Variants in PMF1 observed in about 807,000 individuals in gnomAD.
The protein encoded by PMF1 is polyamine modulated factor 1, also known as polyamine-modulated factor 1.
PMF1 carries 21 observed loss-of-function variants against 26.7 expected under a neutral mutation model. The observed-to-expected ratio is 0.79, with a 90% CI of 0.56 to 1.13. The LOEUF (loss-of-function observed/expected upper bound fraction) is 1.13, where lower values mean the gene tolerates loss of function less well. Among genes scored for constraint, PMF1 ranks in the 50% most tolerant of loss-of-function variants. The pLI is 0.00. For synonymous variants in PMF1, 105 were observed against 101.0 expected (o/e 1.04, Z -0.24); for missense variants, 266 against 254.9 (o/e 1.04, Z -0.30).
chr1:156,223,536 T>A (rs1039782490), intron 1 of PMF1: 3 of 152,176 alleles, frequency 2.0e-5, no homozygotes, highest in African/African-American at 7.2e-5. Context: ...GTGATGATAA[T>A]AGAACCCCGC....
At chr1:156,234,553 G>A (rs948444237) in intron 3 of PMF1, among the ~76,000 whole-genome samples, 4 of 151,728 alleles carry the variant, frequency 2.6e-5, no homozygotes, top group Non-Finnish European at 5.9e-5. Context: ...CTGTTGCCCA[G>A]GTTGGAGTAC....
Position 156,238,890 on chromosome 1 carries a change from C to CG in PMF1, c.565-658_565-657insG, listed in dbSNP as rs11464443. Among the ~76,000 whole-genome samples, 515 of 152,050 alleles carry CG rather than the reference C, an allele frequency of 3.4e-3. 4 individuals carry two copies. Among genetic ancestry groups the CG allele is most frequent in the African/African-American group, 0.012 (504 of 41,460 alleles). ...AAGTGGTGGTGACAAAGGCCCCCCC[C>CG]CCAAGCCTGGTGCCATCTTGCAGGG... On this transcript the variant is annotated intron_variant, in intron 4 of 4. Coordinates refer to ENST00000368277, the MANE Select transcript of PMF1 (RefSeq NM_007221.4).
chr1:156,227,740 C>T (rs899652721), intron 1 of PMF1, among the ~76,000 whole-genome samples: 4 of 151,444 alleles, frequency 2.6e-5, no homozygotes, highest in Non-Finnish European at 5.9e-5. Context: ...TCAAGTGATC[C>T]CCCTGCCTTA....
intron 1 of PMF1, chr1:156,225,645 T>C (rs1658333643): frequency 1.9e-6 from 3 of 1,561,142 alleles, no homozygotes; most frequent in Non-Finnish European, 2.6e-6. Context: ...TTGGGCGGCG[T>C]GCAGGTTACC....
chr1:156,231,772 C>G (rs1296581938), intron 1 of PMF1, among the ~76,000 whole-genome samples: 1 of 152,178 alleles, frequency 6.6e-6, no homozygotes, highest in Non-Finnish European at 1.5e-5. Context: ...CAAGAAGCCC[C>G]AAAGTAGAGT....
At chr1:156,221,279 C>T (rs1266352786) in intron 1 of PMF1, among the ~76,000 whole-genome samples, 1 of 152,206 alleles carries the variant, frequency 6.6e-6, no homozygotes, top group East Asian at 1.9e-4. Context: ...ATACTGACCT[C>T]CTCATTGCCT....
chr1:156,214,872 A>AT (rs1228169844), intron 1 of PMF1, among the ~76,000 whole-genome samples: 340 of 149,190 alleles, frequency 2.3e-3, no homozygotes, highest in African/African-American at 7.9e-3. Flanking sequence ...TATTATTATT[A>AT]TTATTATTAT....
intron 4 of PMF1, among the ~76,000 whole-genome samples, chr1:156,237,726 C>T (rs1304425638): frequency 6.6e-6 from 1 of 151,396 alleles, no homozygotes; most frequent in Non-Finnish European, 1.5e-5. Context: ...GGATTACAGA[C>T]TTGAGCCACC....
intron 4 of PMF1, 30 bp from the exon 5 acceptor site, chr1:156,239,518 A>T: frequency 6.2e-7 from 1 of 1,600,642 alleles, no homozygotes; most frequent in Non-Finnish European, 8.6e-7. Flanking sequence ...CTTAGATCCC[A>T]GTTTGTCTGT....
intron 1 of PMF1, among the ~76,000 whole-genome samples, chr1:156,222,231 G>A (rs893404227): frequency 3.9e-5 from 6 of 152,146 alleles, no homozygotes; most frequent in Non-Finnish European, 5.9e-5. Flanking sequence ...TCTGCACCAA[G>A]TGCTGCCCCC....
At chr1:156,231,699 CAA>C (rs141507041) in intron 1 of PMF1, among the ~76,000 whole-genome samples, 2,198 of 150,828 alleles carry the variant, frequency 0.015, 59 homozygotes, top group African/African-American at 0.05. Context: ...GAGACTGCCT[CAA>C]GAAAAAAAAA....
At chr1:156,237,173 C>G (rs896018112) in intron 4 of PMF1, 3 of 152,502 alleles carry the variant, frequency 2.0e-5, no homozygotes, top group African/African-American at 7.2e-5. Flanking sequence ...CTTCCTGTCT[C>G]AGCCTCCTGA....
At chr1:156,227,434 G>T (rs1035855167) in intron 1 of PMF1, among the ~76,000 whole-genome samples, 1 of 151,590 alleles carries the variant, frequency 6.6e-6, no homozygotes, top group Non-Finnish European at 1.5e-5. Context: ...AACCCAGGAG[G>T]CGGAGGTTGC....
rs920765217 is a variant in PMF1, at chr1:156,231,931, T to C, written c.162-389T>C. 2.6e-5 allele frequency among the ~76,000 whole-genome samples: 4 copies of C among 152,240 alleles called. No individual in the cohort carries two copies. In the East Asian group the frequency reaches 7.7e-4, roughly 29 times the overall value. On this transcript the variant is annotated intron_variant, in intron 1 of 4. Transcript: ENST00000368277. ...GGAGTAAGCCAATCTCTCCCAGATG[T>C]CACATGCCCTGTCCTAATCCAAGTC...
chr1:156,239,593 C>A lies in PMF1; in HGVS notation c.610C>A (p.Pro204Thr). ...QRELVAVLRE[P>T]E Reference sequence around the variant, plus strand: ...GGAGCTGGTTGCTGTGCTGAGGGAGCCTGAGTGAGGAGACCGCCAGCCCCA... The same window carrying A: ...GGAGCTGGTTGCTGTGCTGAGGGAGACTGAGTGAGGAGACCGCCAGCCCCA... Residue 204 changes from proline to threonine, a missense_variant, in exon 5 of 5, where the codon CCT (proline) becomes ACT (threonine). Physicochemically the swap from Pro to Thr is conservative, Grantham distance 38 (BLOSUM62 -1). Transcript: ENST00000368277. The A allele has an allele frequency of 6.2e-7, 1 of 1,612,194 alleles. No homozygotes were observed. Among genetic ancestry groups the A allele is most frequent in the South Asian group, 1.1e-5 (1 of 90,868 alleles).
chr1:156,233,209 A>T (rs1647263407), intron 2 of PMF1, among the ~76,000 whole-genome samples: 3 of 152,066 alleles, frequency 2.0e-5, no homozygotes, highest in Non-Finnish European at 4.4e-5. Flanking sequence ...GCTATAGTGC[A>T]GTGGCGCAAT....
At chr1:156,231,797 G>A (rs955835751) in intron 1 of PMF1, among the ~76,000 whole-genome samples, 2 of 152,224 alleles carry the variant, frequency 1.3e-5, no homozygotes, top group Admixed American at 1.3e-4. Flanking sequence ...GCAGGTTGGT[G>A]TAAACTCTGC....
In PMF1 at chr1:156,222,339, G is replaced by A. The variant is rs556752936; in HGVS notation, c.161+9163G>A. Among the ~76,000 whole-genome samples, 3 of 152,112 alleles carry A rather than the reference G, an allele frequency of 2.0e-5. No individual in the cohort carries two copies. The South Asian group carries it at 6.2e-4, about 32-fold the overall frequency. On this transcript the variant is annotated intron_variant, in intron 1 of 4. Transcript: ENST00000368277. ...TTAAATAGGAACTTACTCTCAGCTG[G>A]TTTCCAGAGAAAGGGCTCAATAAGT...
At chr1:156,232,933 T>C (rs527416391) in intron 2 of PMF1, among the ~76,000 whole-genome samples, 49 of 148,734 alleles carry the variant, frequency 3.3e-4, no homozygotes, top group Non-Finnish European at 5.1e-4. Flanking sequence ...TTTTTTTTTT[T>C]TTTTGAGACA....
Sources: allele counts gnomAD v4.1 joint callset (sites outside exome capture counted in the v4.1 genomes callset), GRCh38; gene constraint gnomAD v4.1.1; transcripts MANE v1.5; gene names NCBI Gene and HGNC (gene_info 2026-07-23, HGNC 2026-07-21).